Variants in CXCL13 observed in about 807,000 individuals in gnomAD.
CXCL13 encodes the protein C-X-C motif chemokine ligand 13, also known as C-X-C motif chemokine 13.
A neutral mutation model predicts 12.2 loss-of-function variants in CXCL13; 7 were observed. That is an observed-to-expected ratio of 0.57 (90% CI 0.33 to 1.07). The LOEUF (loss-of-function observed/expected upper bound fraction) is 1.07. CXCL13 is among the 50% of genes least tolerant of loss of function. CXCL13 has a pLI of 0.04. For synonymous variants in CXCL13, 47 were observed against 42.4 expected (o/e 1.11, Z -0.42); for missense variants, 113 against 127.4 (o/e 0.89, Z 0.55).
chr4:77,540,406 C>A (rs939845677), intron 1 of CXCL13, among the ~76,000 whole-genome samples: 1 of 152,108 alleles, frequency 6.6e-6, no homozygotes, highest in African/African-American at 2.4e-5. Context: ...TCAACTGCTG[C>A]CTCCCTGCCT....
At chr4:77,528,561 C>A (rs1724829267) in intron 1 of CXCL13, among the ~76,000 whole-genome samples, 1 of 152,178 alleles carries the variant, frequency 6.6e-6, no homozygotes, top group African/African-American at 2.4e-5. Flanking sequence ...TGGCTTTTGG[C>A]TGCATAAATG....
At chr4:77,589,036 T>C (rs936534998) in intron 1 of CXCL13, among the ~76,000 whole-genome samples, 2 of 152,234 alleles carry the variant, frequency 1.3e-5, no homozygotes, top group African/African-American at 4.8e-5. Context: ...TTATAGAACA[T>C]ATACCTTTTG....
chr4:77,552,817 T>A (rs930617194), intron 1 of CXCL13, among the ~76,000 whole-genome samples: 1 of 152,198 alleles, frequency 6.6e-6, no homozygotes, highest in African/African-American at 2.4e-5. Context: ...GAGATCTGCC[T>A]GGGGGTAAAA....
In CXCL13 at chr4:77,564,700, C is replaced by A. The variant is rs559443153; in HGVS notation, c.-42-41124C>A. 3.3e-5 allele frequency among the ~76,000 whole-genome samples: 5 copies of A among 152,302 alleles called. No homozygotes were observed. The East Asian group carries it at 7.7e-4, about 24-fold the overall frequency. ...CACCTAGCAAGTGCTGGAGCCTGGA[C>A]TTTAACCCTGACAGACTGTGGAGCC... On this transcript the variant is annotated intron_variant, in intron 1 of 4. Transcript: ENST00000286758.
At chr4:77,517,951 G>T (rs988222180) in intron 1 of CXCL13, among the ~76,000 whole-genome samples, 11 of 152,196 alleles carry the variant, frequency 7.2e-5, no homozygotes, top group South Asian at 4.1e-4. Context: ...GGTACCGGTT[G>T]TTCCTTTCCA....
intron 1 of CXCL13, among the ~76,000 whole-genome samples, chr4:77,530,710 C>A (rs10014494): frequency 0.33 from 49,708 of 151,844 alleles, 8,247 homozygotes; most frequent in South Asian, 0.44. Flanking sequence ...TTTTGTTGAT[C>A]TTTTCAAAAA....
intron 1 of CXCL13, among the ~76,000 whole-genome samples, chr4:77,539,985 G>A (rs1298348977): frequency 1.3e-5 from 2 of 152,122 alleles, no homozygotes; most frequent in African/African-American, 4.8e-5. Context: ...TGGGTCAGAA[G>A]GGCCATAAAA....
At chr4:77,576,041 A>G (rs1029679388) in intron 1 of CXCL13, among the ~76,000 whole-genome samples, 2 of 151,844 alleles carry the variant, frequency 1.3e-5, no homozygotes, top group African/African-American at 4.9e-5. Flanking sequence ...AGAAAATTGT[A>G]CTGTTTTGAT....
intron 1 of CXCL13, among the ~76,000 whole-genome samples, chr4:77,556,343 A>G (rs1725659320): frequency 6.6e-6 from 1 of 152,198 alleles, no homozygotes; most frequent in South Asian, 2.1e-4. Flanking sequence ...GCCAGACACA[A>G]AAGAATACAT....
chr4:77,570,805 C>T (rs190634214), intron 1 of CXCL13, among the ~76,000 whole-genome samples: 1,957 of 149,840 alleles, frequency 0.013, 91 homozygotes, highest in African/African-American at 0.046. Context: ...GCTTAGCACC[C>T]GGGCCAGCAG....
chr4:77,571,879 G>A (rs1183858123), intron 1 of CXCL13, among the ~76,000 whole-genome samples: 2 of 151,556 alleles, frequency 1.3e-5, no homozygotes, highest in African/African-American at 2.4e-5. Flanking sequence ...TCACTCCTGA[G>A]CCCTGCGAGC....
At chr4:77,570,479 C>T (rs1473087485) in intron 1 of CXCL13, among the ~76,000 whole-genome samples, 1 of 152,154 alleles carries the variant, frequency 6.6e-6, no homozygotes, top group Admixed American at 6.5e-5. Flanking sequence ...GCCTGTAATC[C>T]CAGTGAGAGG....
At chr4:77,544,819 T>C (rs355668) in intron 1 of CXCL13, among the ~76,000 whole-genome samples, 152,236 of 152,280 alleles carry the variant, frequency 1, 76,096 homozygotes, top group Non-Finnish European at 1. Context: ...GAAGTCCTTG[T>C]CCATGCCTAT....
In CXCL13 at chr4:77,531,686, T is replaced by C. The variant is rs565251847; in HGVS notation, c.-43+19898T>C. On this transcript the variant is annotated intron_variant, in intron 1 of 4. Coordinates refer to the CXCL13 transcript ENST00000286758. ...TTATTATTGTGTGGGAGTCTAAGTCTCTTTCTAGGTCTCTAAGGACTTGCT... is the reference window on the plus strand; with the variant it reads ...TTATTATTGTGTGGGAGTCTAAGTCCCTTTCTAGGTCTCTAAGGACTTGCT... Among the ~76,000 whole-genome samples the C allele has an allele frequency of 2.1e-4, 32 of 152,264 alleles. No individual in the cohort carries two copies. In the East Asian group the frequency reaches 5.4e-3, roughly 26 times the overall value.
intron 1 of CXCL13, among the ~76,000 whole-genome samples, chr4:77,544,640 A>G (rs1185880429): frequency 6.6e-6 from 1 of 152,028 alleles, no homozygotes; most frequent in South Asian, 2.1e-4. Context: ...TAGATTCTGG[A>G]TATTAGCCCT....
chr4:77,568,592 G>A lies in CXCL13; in HGVS notation c.-42-37232G>A, dbSNP rs148710421. 7.4e-3 allele frequency among the ~76,000 whole-genome samples: 1,122 copies of A among 152,296 alleles called. 14 individuals carry two copies. The highest frequency in any genetic ancestry group is 9.8e-3 in the Non-Finnish European group (669 of 68,020). On this transcript the variant is annotated intron_variant, in intron 1 of 4. Transcript: ENST00000286758. The stretch of plus-strand genomic sequence containing the variant: ...ATTGACCCTAGGATGCGAGAGTCAT[G>A]TTGTTCTGTGGCCCCAGTTGTGTTA...
intron 1 of CXCL13, among the ~76,000 whole-genome samples, chr4:77,531,508 A>G (rs940485681): frequency 6.6e-6 from 1 of 152,060 alleles, no homozygotes; most frequent in Non-Finnish European, 1.5e-5. Flanking sequence ...GATGCTGAAA[A>G]GAATGTATAT....
At chr4:77,536,050 C>T (rs907691928) in intron 1 of CXCL13, among the ~76,000 whole-genome samples, 2 of 152,174 alleles carry the variant, frequency 1.3e-5, no homozygotes, top group Admixed American at 6.5e-5. Context: ...TCCCCTCCCT[C>T]TCTCAATCTT....
chr4:77,544,654 T>C (rs1212285194), intron 1 of CXCL13, among the ~76,000 whole-genome samples: 3 of 152,228 alleles, frequency 2.0e-5, no homozygotes, highest in Non-Finnish European at 4.4e-5. Context: ...TAGCCCTTTG[T>C]CAGATGGGTA....
Sources: gnomAD v4.1 joint callset for allele counts (sites outside exome capture counted in the v4.1 genomes callset) on GRCh38, gnomAD v4.1.1 for gene constraint, MANE v1.5 for transcripts, NCBI Gene and HGNC (gene_info 2026-07-23, HGNC 2026-07-21) for gene names.